The following EXD3 variants were observed in gnomAD, a reference collection of about 807,000 sequenced individuals.
EXD3 encodes exonuclease 3'-5' domain containing 3.
Under a neutral mutation model 98.0 loss-of-function variants are expected in EXD3, and 92 were observed. The observed-to-expected ratio is 0.94, with a 90% CI of 0.79 to 1.12. The LOEUF (loss-of-function observed/expected upper bound fraction) is 1.12. EXD3 is among the 50% of genes most tolerant of loss of function. The pLI is 0.00. For missense variants in EXD3, 1,222 were observed against 1,191.6 expected, an observed-to-expected ratio of 1.03 and a Z score of -0.38; for synonymous variants, 569 against 526.0, an observed-to-expected ratio of 1.08 and a Z score of -1.12.
intron 19 of EXD3, among the ~76,000 whole-genome samples, chr9:137,310,743 G>A (rs1476560541): frequency 6.6e-6 from 1 of 152,214 alleles, no homozygotes; most frequent in Non-Finnish European, 1.5e-5. Flanking sequence ...CCCACTGAGA[G>A]CCAGGTCCCA....
intron 20 of EXD3, 103 bp from the exon 21 acceptor site, chr9:137,307,749 A>G: frequency 7.7e-7 from 1 of 1,302,980 alleles, no homozygotes. Context: ...CAGTCACCTC[A>G]TGGGGTGCAG....
intron 1 of EXD3, among the ~76,000 whole-genome samples, chr9:137,416,894 G>C (rs755872816): frequency 6.6e-6 from 1 of 152,208 alleles, no homozygotes; most frequent in Non-Finnish European, 1.5e-5. Context: ...AGCTGGGCTC[G>C]GGACTGATGA....
chr9:137,333,864 G>A (rs1833222439), intron 17 of EXD3, among the ~76,000 whole-genome samples: 1 of 151,732 alleles, frequency 6.6e-6, no homozygotes, highest in Non-Finnish European at 1.5e-5. Flanking sequence ...TTGAGACAGA[G>A]TCTCACTCTG....
chr9:137,355,562 AG>A (rs769422873), intron 8 of EXD3, among the ~76,000 whole-genome samples: 618 of 8,698 alleles, frequency 0.071, 17 homozygotes, highest in South Asian at 0.14. Flanking sequence ...GGAAGGAGGA[AG>A]GGAGGATGGA....
chr9:137,337,019 C>T (rs1323010296), intron 17 of EXD3, among the ~76,000 whole-genome samples: 1 of 151,752 alleles, frequency 6.6e-6, no homozygotes, highest in Non-Finnish European at 1.5e-5. Context: ...AGAAACACAC[C>T]TACTATATAA....
At chr9:137,352,337 A>G in intron 11 of EXD3, 136 bp from the exon 12 acceptor site, 1 of 1,261,190 alleles carries the variant, frequency 7.9e-7, no homozygotes, top group Admixed American at 2.1e-5. Context: ...ACACCGGCTC[A>G]GTCCAGCCCA....
intron 7 of EXD3, among the ~76,000 whole-genome samples, chr9:137,364,595 C>A (rs1237030980): frequency 1.3e-5 from 2 of 151,312 alleles, no homozygotes; most frequent in Non-Finnish European, 2.9e-5. Context: ...GCACTCCAGC[C>A]TGGGCGACAA....
intron 17 of EXD3, among the ~76,000 whole-genome samples, chr9:137,328,485 A>ACTAATATACTCCCAC (rs1336695260): frequency 6.6e-6 from 1 of 151,746 alleles, no homozygotes; most frequent in Non-Finnish European, 1.5e-5. Flanking sequence ...AGTAAAAACA[A>ACTAATATACTCCCAC]AAGTAAAAAC....
chr9:137,338,626 C>T (rs561252319), intron 17 of EXD3, among the ~76,000 whole-genome samples: 1 of 151,932 alleles, frequency 6.6e-6, no homozygotes, highest in East Asian at 1.9e-4. Flanking sequence ...GTGGCTCACG[C>T]CTGTAATCCC....
rs566738830 is a variant in EXD3, at chr9:137,317,218, G to C, written c.2184+6507C>G. Among the ~76,000 whole-genome samples the C allele has an allele frequency of 2.2e-4, 33 of 152,258 alleles. No homozygotes were observed. The East Asian group carries it at 6.0e-3, about 28-fold the overall frequency. ...CAGGCGCGCACCTGCCAGCCCACGC[G>C]GGGCCTCTCCTGTTGGATGGGCAAA... On this transcript the variant is annotated intron_variant, in intron 19 of 21. Transcript: ENST00000340951.
chr9:137,410,596 G>A (rs1486430932), intron 1 of EXD3, among the ~76,000 whole-genome samples: 2 of 151,992 alleles, frequency 1.3e-5, no homozygotes, highest in Admixed American at 6.6e-5. Flanking sequence ...ACCACAGAAC[G>A]TTGGGTTCTG....
intron 16 of EXD3, among the ~76,000 whole-genome samples, chr9:137,348,648 G>T (rs1386810418): frequency 1.0e-5 from 1 of 95,260 alleles, no homozygotes; most frequent in East Asian, 3.6e-4. Context: ...ATCATGGGGA[G>T]GGGGCTAGAT....
chr9:137,378,983 T>TG (rs1475803378), intron 3 of EXD3, among the ~76,000 whole-genome samples: 4 of 115,584 alleles, frequency 3.5e-5, no homozygotes, highest in Non-Finnish European at 7.0e-5. Flanking sequence ...CCGAGGGGAA[T>TG]GGGGCATCTG....
intron 1 of EXD3, among the ~76,000 whole-genome samples, chr9:137,408,822 G>A (rs757681797): frequency 6.6e-5 from 10 of 152,206 alleles, no homozygotes; most frequent in Admixed American, 2.6e-4. Context: ...GCCAGCGGGC[G>A]CACAGGCCCA....
intron 8 of EXD3, among the ~76,000 whole-genome samples, chr9:137,355,548 A>T (rs199536378): frequency 5.2e-4 from 27 of 52,342 alleles, no homozygotes; most frequent in African/African-American, 1.1e-3. Flanking sequence ...GGAAGGAGGA[A>T]GGAGGAAGGA....
chr9:137,385,273 G>C lies in EXD3; in HGVS notation c.56-1896C>G, dbSNP rs577247223. Among the ~76,000 whole-genome samples, 1 of 152,204 alleles carries C rather than the reference G, an allele frequency of 6.6e-6. No individual in the cohort carries two copies. Among genetic ancestry groups the C allele is most frequent in the South Asian group, 2.1e-4 (1 of 4,794 alleles). ...GAACACTCAAATGTCCACTGTAGGA[G>C]GACGGAGCAAGTGCATCAGCCCCGG... On this transcript the variant is annotated intron_variant, in intron 2 of 21. Transcript: ENST00000340951. The surrounding 1 kb of genome is among the most constrained non-coding windows in gnomAD (Gnocchi z 4.4).
chr9:137,307,395 C>G, intron 21 of EXD3, 132 bp from the exon 22 acceptor site: 1 of 1,364,642 alleles, frequency 7.3e-7, no homozygotes, highest in Non-Finnish European at 9.7e-7. Flanking sequence ...TTTCTGCTCC[C>G]TATCCGCTGA....
rs2131813651 is a variant in EXD3, at chr9:137,407,501, A to C, written c.-47-12097T>G. On this transcript the variant is annotated intron_variant, in intron 1 of 21. Coordinates refer to ENST00000340951, the MANE Select transcript of EXD3 (RefSeq NM_017820.5). The surrounding 1 kb of genome is among the most constrained non-coding windows in gnomAD (Gnocchi z 4.4). ...GGCCGCTCTCGGGCTCTGCCCTGCCAGCCCCACAACCCAGAACCCAGCGTC... is the reference window on the plus strand; with the variant it reads ...GGCCGCTCTCGGGCTCTGCCCTGCCCGCCCCACAACCCAGAACCCAGCGTC... 6.6e-6 allele frequency among the ~76,000 whole-genome samples: 1 copy of C among 152,230 alleles called. No homozygotes were observed. The highest frequency in any genetic ancestry group is 1.9e-4 in the East Asian group (1 of 5,172).
chr9:137,352,796 G>T lies in EXD3; in HGVS notation c.871-10C>A. The T allele has an allele frequency of 6.3e-7, 1 of 1,578,324 alleles. No individual in the cohort carries two copies. Among genetic ancestry groups the T allele is most frequent in the South Asian group, 1.2e-5 (1 of 86,136 alleles). On this transcript the variant is annotated splice_polypyrimidine_tract_variant and intron_variant, in intron 10 of 21. Transcript: ENST00000340951. ...TCTGCCCCACCAGGCCCTGTGAGGAGGGTGGCCGTGAGGATGGAGATGGGG... is the reference window on the plus strand; with the variant it reads ...TCTGCCCCACCAGGCCCTGTGAGGATGGTGGCCGTGAGGATGGAGATGGGG...
Sources: gnomAD v4.1 joint callset for allele counts (sites outside exome capture counted in the v4.1 genomes callset) on GRCh38, gnomAD v4.1.1 for gene constraint, Gnocchi (gnomAD v3.1) non-coding constraint, MANE v1.5 for transcripts, NCBI Gene and HGNC (gene_info 2026-07-23, HGNC 2026-07-21) for gene names.